The following SUCLG2 variants were observed in gnomAD, a reference collection of about 807,000 sequenced individuals.
SUCLG2 encodes the protein succinate-CoA ligase GDP-forming subunit beta, also known as succinate--CoA ligase [GDP-forming] subunit beta, mitochondrial.
A neutral mutation model predicts 47.9 loss-of-function variants in SUCLG2; 42 were observed. The ratio of observed to expected loss-of-function variants is 0.88; its 90% confidence interval spans 0.69 to 1.14. The LOEUF is 1.14. Among genes scored for constraint, SUCLG2 ranks in the 50% most tolerant of loss-of-function variants. The probability of loss-of-function intolerance (pLI) is 0.00; values close to 1 mark genes in which losing one functional copy is unlikely to be tolerated. For missense variants in SUCLG2, 571 were observed against 525.9 expected, an observed-to-expected ratio of 1.09 and a Z score of -0.84; for synonymous variants, 195 against 197.3, an observed-to-expected ratio of 0.99 and a Z score of 0.10.
intron 10 of SUCLG2, among the ~76,000 whole-genome samples, chr3:67,393,699 G>C (rs1157858321): frequency 6.6e-6 from 1 of 152,324 alleles, no homozygotes; most frequent in East Asian, 1.9e-4. Context: ...CTGGAGATCT[G>C]AGAACGGGCA....
intron 2 of SUCLG2, among the ~76,000 whole-genome samples, chr3:67,587,071 A>G (rs1708041516): frequency 6.6e-6 from 1 of 152,212 alleles, no homozygotes; most frequent in Admixed American, 6.5e-5. Context: ...AACAGTCACC[A>G]CATCCATTCA....
At chr3:67,602,793 G>A (rs1021876729) in intron 2 of SUCLG2, among the ~76,000 whole-genome samples, 2 of 152,120 alleles carry the variant, frequency 1.3e-5, no homozygotes, top group African/African-American at 4.8e-5. Flanking sequence ...CTGCCTCTGA[G>A]GACCTATGAG....
At chr3:67,643,980 C>T (rs1401998932) in intron 1 of SUCLG2, among the ~76,000 whole-genome samples, 1 of 152,118 alleles carries the variant, frequency 6.6e-6, no homozygotes, top group East Asian at 1.9e-4. Context: ...TAATAGTGGG[C>T]CTAATAGTGG....
At chr3:67,576,684 C>A (rs1316772725) in intron 2 of SUCLG2, among the ~76,000 whole-genome samples, 1 of 152,148 alleles carries the variant, frequency 6.6e-6, no homozygotes, top group African/African-American at 2.4e-5. Flanking sequence ...TACTGAGTGC[C>A]ACATTTTTCC....
intron 1 of SUCLG2, among the ~76,000 whole-genome samples, chr3:67,641,069 C>T (rs1264568871): frequency 1.3e-5 from 2 of 152,280 alleles, no homozygotes; most frequent in Non-Finnish European, 2.9e-5. Context: ...AAAATTGATA[C>T]ATCTGAACAA....
intron 2 of SUCLG2, among the ~76,000 whole-genome samples, chr3:67,551,485 C>T (rs1176235597): frequency 3.3e-5 from 5 of 152,176 alleles, no homozygotes; most frequent in Admixed American, 6.5e-5. Flanking sequence ...CACTTGATTC[C>T]GTCTGGAGCT....
At chr3:67,639,183 AT>A (rs1559608177) in intron 1 of SUCLG2, among the ~76,000 whole-genome samples, 2 of 152,196 alleles carry the variant, frequency 1.3e-5, no homozygotes, top group African/African-American at 4.8e-5. Context: ...TTCGAAAAAA[AT>A]GTATATGTAT....
intron 9 of SUCLG2, among the ~76,000 whole-genome samples, chr3:67,436,028 CTATTT>C (rs772897027): frequency 1.3e-5 from 2 of 152,114 alleles, no homozygotes; most frequent in African/African-American, 2.4e-5. Flanking sequence ...ACTTGGGAAA[CTATTT>C]TATTTGGTTT....
At chr3:67,653,377 T>C (rs138593084) in intron 1 of SUCLG2, among the ~76,000 whole-genome samples, 1 of 152,248 alleles carries the variant, frequency 6.6e-6, no homozygotes, top group East Asian at 1.9e-4. Flanking sequence ...AATATTACAG[T>C]AGTAAGTATT....
chr3:67,645,904 G>A (rs74551873), intron 1 of SUCLG2, among the ~76,000 whole-genome samples: 2,919 of 151,222 alleles, frequency 0.019, 102 homozygotes, highest in African/African-American at 0.067. Flanking sequence ...ACAAGCAGAA[G>A]CTGGGGACAA....
At chr3:67,543,949 A>G (rs562239901) in intron 2 of SUCLG2, among the ~76,000 whole-genome samples, 16 of 152,216 alleles carry the variant, frequency 1.1e-4, no homozygotes, top group Admixed American at 3.3e-4. Flanking sequence ...CCTCTAGAAG[A>G]TATCTTAAGG....
At chr3:67,366,931 T>C (rs1466611975) in intron 10 of SUCLG2, among the ~76,000 whole-genome samples, 1 of 152,218 alleles carries the variant, frequency 6.6e-6, no homozygotes, top group Non-Finnish European at 1.5e-5. Context: ...TGTTTGACAT[T>C]CATCACTGGA....
At chr3:67,438,926 C>T (rs899099769) in intron 9 of SUCLG2, among the ~76,000 whole-genome samples, 25 of 152,124 alleles carry the variant, frequency 1.6e-4, no homozygotes, top group African/African-American at 5.8e-4. Flanking sequence ...CTGGAAGAGA[C>T]ACAATAAAAA....
intron 7 of SUCLG2, 52 bp downstream of exon 7, chr3:67,508,755 A>G (rs1705708037): frequency 7.3e-7 from 1 of 1,373,446 alleles, no homozygotes; most frequent in African/African-American, 1.5e-5. Context: ...TATAGTTTGC[A>G]TAAATAATTA....
chr3:67,597,309 A>G (rs1708315919), intron 2 of SUCLG2, among the ~76,000 whole-genome samples: 1 of 152,182 alleles, frequency 6.6e-6, no homozygotes, highest in Admixed American at 6.6e-5. Context: ...AAAGCTTACA[A>G]TCATGACCCA....
intron 2 of SUCLG2, among the ~76,000 whole-genome samples, chr3:67,572,982 C>T (rs2772452): frequency 0.67 from 102,044 of 151,824 alleles, 36,649 homozygotes; most frequent in Non-Finnish European, 0.8. Context: ...TCACAGGATA[C>T]AAAATAAAAG....
intron 9 of SUCLG2, among the ~76,000 whole-genome samples, chr3:67,412,362 A>G (rs1702947787): frequency 6.6e-6 from 1 of 152,184 alleles, no homozygotes; most frequent in Admixed American, 6.5e-5. Context: ...TTGCAAAAGG[A>G]TTCCAGAATA....
intron 9 of SUCLG2, among the ~76,000 whole-genome samples, chr3:67,415,640 G>A (rs192000788): frequency 1.3e-4 from 20 of 152,232 alleles, no homozygotes; most frequent in Admixed American, 3.9e-4. Flanking sequence ...TGGCCAACTT[G>A]GCTGAAATCC....
intron 9 of SUCLG2, among the ~76,000 whole-genome samples, chr3:67,467,589 A>T (rs142566021): frequency 6.6e-6 from 1 of 152,242 alleles, no homozygotes; most frequent in Admixed American, 6.5e-5. Flanking sequence ...CTTTAAAGAG[A>T]TTATTTGAAA....
Sources: gnomAD v4.1 joint callset for allele counts (sites outside exome capture counted in the v4.1 genomes callset) on GRCh38, gnomAD v4.1.1 for gene constraint, MANE v1.5 for transcripts, NCBI Gene and HGNC (gene_info 2026-07-23, HGNC 2026-07-21) for gene names.